Variants in MTREX observed in about 807,000 individuals in gnomAD.
The protein encoded by MTREX is exosome RNA helicase MTR4.
In MTREX, 76 loss-of-function variants were observed where a neutral mutation model predicts 135.4. The ratio of observed to expected loss-of-function variants is 0.56; its 90% CI spans 0.47 to 0.68. The LOEUF (loss-of-function observed/expected upper bound fraction) is 0.68, where lower values mean the gene tolerates loss of function less well. Ranked by LOEUF, MTREX falls within the 30% of genes least tolerant of loss-of-function variation. The pLI is 0.00. For missense variants in MTREX, 920 were observed against 1,262.1 expected, an observed-to-expected ratio of 0.73 and a Z score of 4.11; for synonymous variants, 404 against 401.6, an observed-to-expected ratio of 1.01 and a Z score of -0.07.
At chr5:55,403,672 TC>T (rs1750757818) in intron 21 of MTREX, among the ~76,000 whole-genome samples, 3 of 152,350 alleles carry the variant, frequency 2.0e-5, no homozygotes, top group Admixed American at 1.3e-4. Flanking sequence ...AATGGTTTGT[TC>T]CTTTTACTCT....
intron 5 of MTREX, 31 bp from the exon 6 acceptor site, chr5:55,339,979 G>GT: frequency 7.0e-7 from 1 of 1,423,216 alleles, no homozygotes; most frequent in Non-Finnish European, 9.3e-7. Flanking sequence ...TAAAGGAAAA[G>GT]TTGTATGATT....
At chr5:55,350,864 T>G in intron 12 of MTREX, 55 bp from the exon 13 acceptor site, 1 of 1,368,970 alleles carries the variant, frequency 7.3e-7, no homozygotes. Flanking sequence ...AGTTTAACAT[T>G]TTAAAAATCC....
chr5:55,324,146 T>G lies in MTREX; in HGVS notation c.287T>G (p.Met96Arg). Residue 96 changes from methionine (M) to arginine (R), a missense_variant, in exon 3 of 27, where the codon ATG (methionine) becomes AGG (arginine). Met to Arg is a moderately conservative substitution (Grantham distance 91, BLOSUM62 -1). Coordinates refer to ENST00000230640, the MANE Select transcript of MTREX (RefSeq NM_015360.5). ...TTCTTTTTAAGTTTGGCAGACCTGA[T>G]GCCCAGAGTCAAGGTACAATCAGTT... is the stretch of plus-strand genomic sequence containing the variant. ...ITEDLSLADL[M>R]PRVKVQSVET... The G allele has an allele frequency of 6.2e-7, 1 of 1,611,222 alleles. No homozygotes were observed. Among genetic ancestry groups the G allele is most frequent in the Non-Finnish European group, 8.5e-7 (1 of 1,178,386 alleles).
chr5:55,322,032 T>C (rs1179537948), intron 1 of MTREX, among the ~76,000 whole-genome samples: 7 of 152,244 alleles, frequency 4.6e-5, no homozygotes, highest in Non-Finnish European at 7.3e-5. Context: ...CTCATGTTAA[T>C]GTCTAATGAT....
intron 15 of MTREX, among the ~76,000 whole-genome samples, chr5:55,365,947 C>T (rs1215609254): frequency 1.3e-5 from 2 of 149,952 alleles, no homozygotes; most frequent in Non-Finnish European, 3.0e-5. Context: ...GCTGAGATCA[C>T]GCCATTGCAC....
At chr5:55,389,504 G>A (rs1386695819) in intron 19 of MTREX, among the ~76,000 whole-genome samples, 2 of 152,120 alleles carry the variant, frequency 1.3e-5, no homozygotes, top group Non-Finnish European at 2.9e-5. Context: ...GGGGTGGGGG[G>A]TTGTTAACAT....
chr5:55,384,959 C>T (rs1475655010), intron 18 of MTREX, among the ~76,000 whole-genome samples: 2 of 152,198 alleles, frequency 1.3e-5, no homozygotes, highest in African/African-American at 4.8e-5. Context: ...TAGCCTATAT[C>T]TCCAATGAAT....
In MTREX at chr5:55,308,045, G is replaced by A. The variant is rs373476345; in HGVS notation, c.32G>A (p.Ser11Asn). Residue 11 changes from serine (S) to asparagine (N), a missense_variant, in exon 1 of 27, where the codon AGC (serine) becomes AAC (asparagine). Coordinates refer to ENST00000230640, the MANE Select transcript of MTREX (RefSeq NM_015360.5). The part of the protein sequence containing the change: MADAFGDELF[S>N]VFEGDSTTAA... ...GACGCATTCGGAGATGAGCTGTTCA[G>A]CGTGTTCGAGGGCGACTCGACCACT... The A allele has an allele frequency of 2.5e-6, 4 of 1,614,152 alleles. No homozygotes were observed. Among genetic ancestry groups the A allele is most frequent in the East Asian group, 2.2e-5 (1 of 44,864 alleles).
chr5:55,367,205 G>A (rs1456998584), intron 16 of MTREX, among the ~76,000 whole-genome samples: 4 of 152,136 alleles, frequency 2.6e-5, no homozygotes, highest in African/African-American at 7.2e-5. Context: ...AAGCACATGC[G>A]GCTGGGCGCA....
chr5:55,423,129 TTA>T (rs1751081569), intron 26 of MTREX, 147 bp downstream of exon 26: 1 of 625,448 alleles, frequency 1.6e-6, no homozygotes, highest in Non-Finnish European at 2.8e-6. Context: ...TCTATAAAAT[TTA>T]GTGTGTTGGG....
intron 16 of MTREX, among the ~76,000 whole-genome samples, chr5:55,371,186 A>G (rs1256711793): frequency 1.3e-5 from 2 of 152,192 alleles, no homozygotes; most frequent in East Asian, 3.8e-4. Context: ...TGAAGTTGGG[A>G]TAATATCCAG....
At chr5:55,419,034 A>G (rs1751015580) in intron 25 of MTREX, among the ~76,000 whole-genome samples, 1 of 152,112 alleles carries the variant, frequency 6.6e-6, no homozygotes, top group Admixed American at 6.6e-5. Context: ...TTGTAGAGAT[A>G]TGATTTTACC....
intron 13 of MTREX, 82 bp from the exon 14 acceptor site, chr5:55,353,086 A>G (rs1460128721): frequency 1.3e-6 from 1 of 785,648 alleles, no homozygotes; most frequent in Non-Finnish European, 2.0e-6. Flanking sequence ...TTAAAGATTA[A>G]TAATGCATTT....
rs541593757 is a variant in MTREX, at chr5:55,320,123, A to G, written c.135-2204A>G. 2.4e-4 allele frequency among the ~76,000 whole-genome samples: 36 copies of G among 152,284 alleles called. No homozygotes were observed. In the South Asian group the frequency reaches 6.4e-3, roughly 27 times the overall value. ...AAAATTGGGAGTGACAGAATTTACAAATTTTAGGTTTTGCTAGGTATCAGA... is the reference window on the plus strand; with the variant it reads ...AAAATTGGGAGTGACAGAATTTACAGATTTTAGGTTTTGCTAGGTATCAGA... On this transcript the variant is annotated intron_variant, in intron 1 of 26. Coordinates refer to ENST00000230640, the MANE Select transcript of MTREX (RefSeq NM_015360.5).
At chr5:55,353,978 T>G (rs545574074) in intron 14 of MTREX, among the ~76,000 whole-genome samples, 1 of 152,314 alleles carries the variant, frequency 6.6e-6, no homozygotes, top group East Asian at 1.9e-4. Context: ...TCTAACAGGT[T>G]TGCACACATG....
At chr5:55,361,688 C>T (rs1331247523) in intron 15 of MTREX, among the ~76,000 whole-genome samples, 1 of 151,764 alleles carries the variant, frequency 6.6e-6, no homozygotes, top group Non-Finnish European at 1.5e-5. Flanking sequence ...GAACTCCTGA[C>T]CTCAGGTGAT....
rs758888866 is a variant in MTREX at position 55,358,704 on chromosome 5, T to C, written c.1659+6T>C. The C allele has an allele frequency of 6.3e-6, 10 of 1,582,144 alleles. No individual in the cohort carries two copies. Among genetic ancestry groups the C allele is most frequent in the Admixed American group, 2.0e-5 (1 of 49,930 alleles). On this transcript the variant is annotated splice_donor_region_variant and intron_variant, in intron 15 of 26. Transcript: ENST00000230640. ...TTGGAAAACAATTACTTAAGGTAAC[T>C]ACATTAAGATTGTGTACCTTTACCA... is the stretch of plus-strand genomic sequence containing the variant.
chr5:55,385,440 A>G (rs1395555522), intron 18 of MTREX, among the ~76,000 whole-genome samples: 1 of 151,998 alleles, frequency 6.6e-6, no homozygotes, highest in Admixed American at 6.6e-5. Flanking sequence ...GTGGGAGGAG[A>G]ATGAGAAATG....
chr5:55,420,561 C>T (rs752963384), intron 25 of MTREX, among the ~76,000 whole-genome samples: 1 of 152,082 alleles, frequency 6.6e-6, no homozygotes, highest in Non-Finnish European at 1.5e-5. Flanking sequence ...CTGACTCATG[C>T]TACAATATGG....
Sources: gnomAD v4.1 joint callset for allele counts (sites outside exome capture counted in the v4.1 genomes callset) on GRCh38, gnomAD v4.1.1 for gene constraint, MANE v1.5 for transcripts, NCBI Gene and HGNC (gene_info 2026-07-23, HGNC 2026-07-21) for gene names.